CHCHD10: variants seen among roughly 807,000 people sequenced by gnomAD.
CHCHD10 encodes coiled-coil-helix-coiled-coil-helix domain-containing protein 10, mitochondrial.
Under a neutral mutation model 14.8 loss-of-function variants are expected in CHCHD10, and 10 were observed. That is an observed-to-expected ratio of 0.67 (90% CI 0.42 to 1.14). CHCHD10 has a LOEUF of 1.14. Ranked by LOEUF, CHCHD10 falls within the 50% of genes most tolerant of loss-of-function variation. CHCHD10 has a pLI of 0.00. For synonymous variants in CHCHD10, 90 were observed against 85.2 expected (o/e 1.06, Z -0.31); for missense variants, 203 against 196.9 (o/e 1.03, Z -0.19).
intron 2 of CHCHD10, 177 bp from the exon 3 acceptor site, chr22:23,766,452 T>C (rs1926827165): frequency 5.6e-5 from 1 of 17,894 alleles, no homozygotes; most frequent in Non-Finnish European, 1.6e-4. Flanking sequence ...TTCTGCTGCC[T>C]TTTTTTTTTT....
At chr22:23,767,691 G>A in intron 1 of CHCHD10, 98 bp from the exon 2 acceptor site, 1 of 842,778 alleles carries the variant, frequency 1.2e-6, no homozygotes, top group Non-Finnish European at 1.8e-6. Context: ...GACGACCCAC[G>A]TCTCCACACG....
Position 23,766,055 on chromosome 22 carries a change from TG to T in CHCHD10, c.410-30del, listed in dbSNP as rs775083808. ...GGAAGGGAGGGGCAGCACAGGCTGG[TG>T]GTCAGCCTGCAGGTGCAAGAGGAGG... On this transcript the variant is annotated intron_variant, in intron 3 of 3. Transcript: ENST00000484558. The T allele has an allele frequency of 3.1e-6, 5 of 1,611,492 alleles. No homozygotes were observed. In the South Asian group the frequency reaches 4.4e-5, roughly 14 times the overall value.
At chr22:23,767,808 C>T in intron 1 of CHCHD10, 26 bp downstream of exon 1, 1 of 1,545,380 alleles carries the variant, frequency 6.5e-7, no homozygotes, top group Non-Finnish European at 8.7e-7. Context: ...AACCCCCTCC[C>T]CACAGGGCCC....
chr22:23,767,757 T>A (rs1926976640), intron 1 of CHCHD10, 77 bp downstream of exon 1: 18 of 1,267,004 alleles, frequency 1.4e-5, no homozygotes, highest in Non-Finnish European at 2.0e-5. Flanking sequence ...GCAGCCAAGG[T>A]CACTCTGCGG....
intron 2 of CHCHD10, among the ~76,000 whole-genome samples, chr22:23,766,780 C>T (rs1926862900): frequency 6.6e-6 from 1 of 152,144 alleles, no homozygotes; most frequent in Admixed American, 6.6e-5. Flanking sequence ...GCACTTTGGG[C>T]GGGTGCAGGA....
chr22:23,767,743 A>G (rs1024398251), intron 1 of CHCHD10, 91 bp downstream of exon 1: 29 of 1,158,016 alleles, frequency 2.5e-5, no homozygotes, highest in Non-Finnish European at 3.2e-5. Context: ...AAGATGGCGC[A>G]GCAGCAGCCA....
chr22:23,766,449 G>T, intron 2 of CHCHD10, 174 bp from the exon 3 acceptor site: 1 of 525,900 alleles, frequency 1.9e-6, no homozygotes, highest in Non-Finnish European at 3.3e-6. Context: ...TGTTTCTGCT[G>T]CCTTTTTTTT....
At chr22:23,766,342 C>G in intron 2 of CHCHD10, 67 bp from the exon 3 acceptor site, 1 of 1,397,750 alleles carries the variant, frequency 7.2e-7, no homozygotes, top group Non-Finnish European at 9.6e-7. Context: ...CGTTTCAAAC[C>G]TGGGGCCACC....
chr22:23,767,479 G>A lies in CHCHD10; in HGVS notation c.156C>T (p.Ala52=), dbSNP rs772696163. Residue 52 remains alanine (A), a synonymous_variant, in exon 2 of 4, where the codon GCC becomes GCT. Transcript: ENST00000484558. The part of the protein sequence containing the change: ...PGLMAQMATT[A]AGVAVGSAVG... The stretch of plus-strand genomic sequence containing the variant: ...CAGCCGAGCCCACGGCTACCCCTGC[G>A]GCCGTGGTCGCCATCTGAGCCATGA... 13 of 1,581,296 alleles carry A rather than the reference G, an allele frequency of 8.2e-6. No individual in the cohort carries two copies. Among genetic ancestry groups the A allele is most frequent in the East Asian group, 7.1e-5 (3 of 42,512 alleles).
rs951686050 is a variant in CHCHD10, at chr22:23,767,844, G to C, written c.31C>G (p.Arg11Gly). The C allele has an allele frequency of 1.6e-5, 24 of 1,521,804 alleles. No individual in the cohort carries two copies. Among genetic ancestry groups the C allele is most frequent in the Non-Finnish European group, 2.1e-5 (24 of 1,135,376 alleles). 94.3% of individuals were successfully genotyped at this position (1,521,804 alleles called of 1,614,324 possible). A position where few individuals can be genotyped will look rare whatever the true frequency, so the allele number is the denominator to read the frequency against. ...TTGTCCCCCTCACACCTGGCTGGCC[G>C]GGAGGCCGCGCTGCGGCTTCCCCGA... MPRGSRSAAS[R>G]PASRPAAPSA... is the part of the protein sequence containing the mutation. Residue 11 changes from arginine (R) to glycine (G), a missense_variant, in exon 1 of 4, where the codon CGG becomes GGG. Arg to Gly is a moderately radical substitution (Grantham distance 125, BLOSUM62 -2). Transcript: ENST00000484558.
chr22:23,766,408 G>A, intron 2 of CHCHD10, 133 bp from the exon 3 acceptor site: 1 of 697,554 alleles, frequency 1.4e-6, no homozygotes, highest in Non-Finnish European at 2.3e-6. Context: ...CAGGCTGAGT[G>A]ATCCAGCAGC....
intron 2 of CHCHD10, among the ~76,000 whole-genome samples, chr22:23,766,942 G>A (rs1926877713): frequency 6.6e-6 from 1 of 152,230 alleles, no homozygotes; most frequent in Non-Finnish European, 1.5e-5. Flanking sequence ...GGCTTACGGC[G>A]GTGGGGTTCC....
Position 23,767,566 on chromosome 22 carries a change from C to T in CHCHD10, c.69G>A (p.Pro23=), listed in dbSNP as rs1298499214. The T allele has an allele frequency of 9.2e-6, 5 of 541,594 alleles. No homozygotes were observed. The highest frequency in any genetic ancestry group is 1.1e-5 in the Non-Finnish European group (4 of 367,900). 33.5% of individuals were successfully genotyped at this position (541,594 alleles called of 1,614,324 possible). ...ASRPAAPSAH[P]PAHPPPSAAA... Reference sequence around the variant, plus strand: ...CTGCCGAGGGCGGTGGGTGCGCGGGCGGGTGGGCAGAGGGCGCGGCTGGGC... The same window carrying T: ...CTGCCGAGGGCGGTGGGTGCGCGGGTGGGTGGGCAGAGGGCGCGGCTGGGC... Residue 23 remains proline (P), a synonymous_variant, in exon 2 of 4, where the codon CCG becomes CCA. Transcript: ENST00000484558.
rs1334073322 is a variant in CHCHD10 at position 23,767,414 on chromosome 22, C to T, written c.221G>A (p.Ser74Asn). The change falls in exon 2 of 4, where the codon AGC (serine) becomes AAC (asparagine). Residue 74 changes from serine to asparagine, a missense_variant. By Grantham distance (46) the Ser-to-Asn change is conservative (BLOSUM62 1). Transcript: ENST00000484558. ...VMGSALTGAF[S>N]GGSSEPSQPA... ...CTGGGAGGGCTCCGAGCTCCCCCCG[C>T]TGAAGGCTCCGGTCAGGGCGCTGCC... is the stretch of plus-strand genomic sequence containing the variant. 1 of 1,607,972 alleles carries T rather than the reference C, an allele frequency of 6.2e-7. No homozygotes were observed. Among genetic ancestry groups the T allele is most frequent in the Non-Finnish European group, 8.5e-7 (1 of 1,178,874 alleles).
chr22:23,767,261 C>A, intron 2 of CHCHD10, 113 bp downstream of exon 2: 1 of 910,668 alleles, frequency 1.1e-6, no homozygotes. Flanking sequence ...GGGCAGAGTC[C>A]TGGGCTGAAG....
At position 23,765,942 on chromosome 22, in the gene CHCHD10, G is replaced by A. The variant is rs1926730703; in HGVS notation, c.*65C>T. The stretch of plus-strand genomic sequence containing the variant: ...CTATCTGGGTACAATCTGGTGTTGT[G>A]GTCTGGCTGTCGGCGAGGGGTAGAG... On this transcript the variant is annotated 3_prime_UTR_variant, in exon 4 of 4. Transcript: ENST00000484558. The A allele has an allele frequency of 1.2e-5, 19 of 1,609,996 alleles. No homozygotes were observed. Among genetic ancestry groups the A allele is most frequent in the Non-Finnish European group, 1.6e-5 (19 of 1,177,296 alleles).
chr22:23,766,434 C>A, intron 2 of CHCHD10, 159 bp from the exon 3 acceptor site: 1 of 588,412 alleles, frequency 1.7e-6, no homozygotes, highest in Non-Finnish European at 3.0e-6. Context: ...CGGCTACAGA[C>A]AGCATGTTTC....
intron 2 of CHCHD10, among the ~76,000 whole-genome samples, 196 bp downstream of exon 2, chr22:23,767,178 C>A (rs1438270352): frequency 2.0e-5 from 3 of 152,168 alleles, no homozygotes; most frequent in Non-Finnish European, 4.4e-5. Flanking sequence ...GGGACCCTGG[C>A]CTCAAGGGAG....
At position 23,767,897 on chromosome 22, in the gene CHCHD10, C is replaced by T. The variant is rs573732726; in HGVS notation, c.-23G>A. The T allele has an allele frequency of 1.3e-6, 2 of 1,500,034 alleles. No individual in the cohort carries two copies. The highest frequency in any genetic ancestry group is 2.2e-5 in the Admixed American group (1 of 44,850). 92.9% of individuals were successfully genotyped at this position (1,500,034 alleles called of 1,614,324 possible). A position where few individuals can be genotyped will look rare whatever the true frequency, so the allele number is the denominator to read the frequency against. ...CATGGTGGCGGCGGTGGGACCCGGG[C>T]GACCTTAGAGACGGCGGCAGCGGTG... On this transcript the variant is annotated 5_prime_UTR_variant, in exon 1 of 4. Coordinates refer to ENST00000484558, the MANE Select transcript of CHCHD10 (RefSeq NM_213720.3).
Sources: allele counts gnomAD v4.1 joint callset (sites outside exome capture counted in the v4.1 genomes callset), GRCh38; gene constraint gnomAD v4.1.1; transcripts MANE v1.5; gene names NCBI Gene and HGNC (gene_info 2026-07-23, HGNC 2026-07-21).